SHB: variants seen among roughly 807,000 people sequenced by gnomAD.
The protein encoded by SHB is SH2 domain containing adaptor protein B, also known as SH2 domain-containing adapter protein B.
In SHB, 20 loss-of-function variants were observed where a neutral mutation model predicts 52.3. The ratio of observed to expected loss-of-function variants is 0.38; its 90% CI spans 0.27 to 0.56. The LOEUF (loss-of-function observed/expected upper bound fraction) is 0.56. Among genes scored for constraint, SHB ranks in the 20% least tolerant of loss-of-function variants. The pLI, the probability that SHB is intolerant of heterozygous loss-of-function variation, is 0.71. For synonymous variants in SHB, 397 were observed against 316.5 expected (o/e 1.25, Z -2.70); for missense variants, 825 against 723.3 (o/e 1.14, Z -1.61).
intron 2 of SHB, 99 bp downstream of exon 2, chr9:38,015,912 C>A (rs1489331738): frequency 1.4e-5 from 16 of 1,179,788 alleles, no homozygotes; most frequent in Non-Finnish European, 1.8e-5. Flanking sequence ...ACACACCATG[C>A]CCCCAGTGAG....
chr9:37,972,357 G>C (rs1020216581), intron 3 of SHB, among the ~76,000 whole-genome samples: 3 of 152,212 alleles, frequency 2.0e-5, no homozygotes, highest in Non-Finnish European at 4.4e-5. Context: ...AGGGAACAGA[G>C]GAGGCTGTAA....
At chr9:37,993,835 T>C (rs1437809450) in intron 2 of SHB, among the ~76,000 whole-genome samples, 3 of 152,192 alleles carry the variant, frequency 2.0e-5, no homozygotes, top group African/African-American at 4.8e-5. Flanking sequence ...CTCTTCTAAA[T>C]AGGAAGCTGA....
chr9:37,997,980 G>A (rs1820970435), intron 2 of SHB, among the ~76,000 whole-genome samples: 1 of 152,238 alleles, frequency 6.6e-6, no homozygotes, highest in Non-Finnish European at 1.5e-5. Context: ...TTCCTGGCTT[G>A]TGGTACCCAC....
intron 3 of SHB, among the ~76,000 whole-genome samples, chr9:37,967,213 G>A (rs1024622094): frequency 1.3e-5 from 2 of 152,180 alleles, no homozygotes; most frequent in African/African-American, 2.4e-5. Flanking sequence ...CTCAATAAAT[G>A]TTAATTTCCT....
At chr9:38,023,138 G>A (rs1451069295) in intron 1 of SHB, among the ~76,000 whole-genome samples, 3 of 152,220 alleles carry the variant, frequency 2.0e-5, no homozygotes, top group African/African-American at 7.2e-5. Context: ...CAGCTGGGCT[G>A]CAGCAGCTGC....
At chr9:38,003,259 T>C (rs957420335) in intron 2 of SHB, among the ~76,000 whole-genome samples, 21 of 151,692 alleles carry the variant, frequency 1.4e-4, no homozygotes, top group African/African-American at 7.3e-5. Flanking sequence ...CAATTCTGAG[T>C]CCCCTTCAGC....
chr9:38,024,203 C>G (rs2118097440), intron 1 of SHB, among the ~76,000 whole-genome samples: 1 of 152,340 alleles, frequency 6.6e-6, no homozygotes, highest in Non-Finnish European at 1.5e-5. Flanking sequence ...CATGATGTGG[C>G]AACACAGTCC....
intron 4 of SHB, among the ~76,000 whole-genome samples, chr9:37,951,035 C>T (rs1261358433): frequency 2.0e-5 from 3 of 152,232 alleles, no homozygotes; most frequent in African/African-American, 7.2e-5. Flanking sequence ...AACCACCCGT[C>T]CCCATGCAAT....
At chr9:38,023,401 T>A (rs1260245081) in intron 1 of SHB, among the ~76,000 whole-genome samples, 1 of 152,152 alleles carries the variant, frequency 6.6e-6, no homozygotes, top group Non-Finnish European at 1.5e-5. Context: ...CAGTAATTTA[T>A]AAAGAAAAGG....
At chr9:37,964,884 C>T (rs1832731711) in intron 3 of SHB, among the ~76,000 whole-genome samples, 1 of 152,218 alleles carries the variant, frequency 6.6e-6, no homozygotes. Flanking sequence ...AATCCAGATA[C>T]CCCTGGCCCC....
intron 1 of SHB, among the ~76,000 whole-genome samples, chr9:38,054,652 T>A (rs1008975935): frequency 2.0e-5 from 3 of 152,198 alleles, no homozygotes; most frequent in Non-Finnish European, 4.4e-5. Context: ...AGCTTCTCTC[T>A]GCCTTTGAAG....
intron 2 of SHB, among the ~76,000 whole-genome samples, chr9:37,985,899 G>A (rs1221044215): frequency 6.6e-6 from 1 of 152,216 alleles, no homozygotes; most frequent in Non-Finnish European, 1.5e-5. Flanking sequence ...CTGGGCACTG[G>A]GAGTAAATTA....
At chr9:37,985,192 T>G (rs1820789663) in intron 2 of SHB, among the ~76,000 whole-genome samples, 1 of 152,218 alleles carries the variant, frequency 6.6e-6, no homozygotes, top group African/African-American at 2.4e-5. Context: ...TGGCTGAACC[T>G]GTACTGCCTG....
Position 38,021,967 on chromosome 9 carries a change from G to C in SHB, c.718-5836C>G, listed in dbSNP as rs1821287225. Among the ~76,000 whole-genome samples, 3 of 152,200 alleles carry C rather than the reference G, an allele frequency of 2.0e-5. No individual in the cohort carries two copies. The South Asian group carries it at 6.2e-4, about 31-fold the overall frequency. ...GCTCTCCTCTCCCCGGAAAGTGAGGGGGCAGCACCCCACAAGGCCCCTGAT... is the reference window on the plus strand; with the variant it reads ...GCTCTCCTCTCCCCGGAAAGTGAGGCGGCAGCACCCCACAAGGCCCCTGAT... On this transcript the variant is annotated intron_variant, in intron 1 of 5. Transcript: ENST00000377707.
At chr9:37,991,413 A>C (rs1820880584) in intron 2 of SHB, among the ~76,000 whole-genome samples, 1 of 152,240 alleles carries the variant, frequency 6.6e-6, no homozygotes, top group African/African-American at 2.4e-5. Context: ...ATTCAAGAGT[A>C]TTTCTAAACA....
chr9:37,920,825 C>T (rs1832171977), intron 5 of SHB, among the ~76,000 whole-genome samples: 1 of 152,232 alleles, frequency 6.6e-6, no homozygotes, highest in African/African-American at 2.4e-5. Flanking sequence ...TGGAGCAGGG[C>T]CCAGTCTATG....
intron 3 of SHB, among the ~76,000 whole-genome samples, chr9:37,973,049 T>C (rs1260895585): frequency 1.3e-5 from 2 of 152,204 alleles, no homozygotes; most frequent in African/African-American, 2.4e-5. Flanking sequence ...TTTTCATCTC[T>C]TAACATTAGA....
chr9:37,960,758 A>C (rs546647907), intron 3 of SHB, among the ~76,000 whole-genome samples: 1 of 152,180 alleles, frequency 6.6e-6, no homozygotes, highest in South Asian at 2.1e-4. Flanking sequence ...AACAGAAGAC[A>C]GCATCCAAGA....
rs1356232036 is a variant in SHB, at chr9:38,068,507, C to A, written c.139G>T (p.Ala47Ser). The stretch of plus-strand genomic sequence containing the variant: ...CAGGACGCCGAGGCGGCGGAGGAGG[C>A]CTGCGGCACGGCCTGGGGGGGCTGC... ...PSQPPQAVPQ[A>S]SSAASASCGP... The change falls in exon 1 of 6, where the codon GCC becomes TCC. Residue 47 changes from alanine to serine, a missense_variant. Physicochemically the swap from Ala to Ser is moderately conservative, Grantham distance 99 (BLOSUM62 1). Coordinates refer to ENST00000377707, the MANE Select transcript of SHB (RefSeq NM_003028.3). 1.3e-6 allele frequency: 2 copies of A among 1,486,458 alleles called. No individual in the cohort carries two copies. Among genetic ancestry groups the A allele is most frequent in the Non-Finnish European group, 1.8e-6 (2 of 1,125,328 alleles). 92.1% of individuals were successfully genotyped at this position (1,486,458 alleles called of 1,614,324 possible).
Sources: allele counts gnomAD v4.1 joint callset (sites outside exome capture counted in the v4.1 genomes callset), GRCh38; gene constraint gnomAD v4.1.1; transcripts MANE v1.5; gene names NCBI Gene and HGNC (gene_info 2026-07-23, HGNC 2026-07-21).